CNTN5: variants seen among roughly 807,000 people sequenced by gnomAD.
The protein encoded by CNTN5 is contactin 5.
A neutral mutation model predicts 129.1 loss-of-function variants in CNTN5; 77 were observed. The ratio of observed to expected loss-of-function variants is 0.60; its 90% confidence interval spans 0.50 to 0.72. CNTN5 has a LOEUF of 0.72. CNTN5 is among the 30% of genes least tolerant of loss of function. The pLI is 0.00. For missense variants in CNTN5, 1,478 were observed against 1,328.8 expected, an observed-to-expected ratio of 1.11 and a Z score of -1.75; for synonymous variants, 509 against 465.6, an observed-to-expected ratio of 1.09 and a Z score of -1.20.
At chr11:99,788,347 A>T (rs548042645) in intron 3 of CNTN5, among the ~76,000 whole-genome samples, 1 of 152,082 alleles carries the variant, frequency 6.6e-6, no homozygotes, top group South Asian at 2.1e-4. Context: ...TTGAAGTTAA[A>T]AACTGTCTTG....
At position 99,155,025 on chromosome 11, in the gene CNTN5, C is replaced by T. The variant is rs548565464; in HGVS notation, c.-210+133755C>T. Among the ~76,000 whole-genome samples the T allele has an allele frequency of 6.2e-4, 94 of 152,252 alleles. 1 individual carries two copies. The highest frequency in any genetic ancestry group is 2.1e-3 in the African/African-American group (89 of 41,544). On this transcript the variant is annotated intron_variant, in intron 1 of 24. Transcript: ENST00000524871. ...TACCTATCTAAGCAGCTCCCTCTGC[C>T]AACCCAAGTGTCTGTAGGGGTTGTG...
At chr11:99,947,258 A>G (rs1479782753) in intron 7 of CNTN5, among the ~76,000 whole-genome samples, 2 of 151,732 alleles carry the variant, frequency 1.3e-5, no homozygotes, top group African/African-American at 4.8e-5. Flanking sequence ...CAAAACTTTC[A>G]TGTTATGTGC....
chr11:100,194,321 T>C (rs867712416), intron 15 of CNTN5, among the ~76,000 whole-genome samples: 7 of 151,754 alleles, frequency 4.6e-5, no homozygotes, highest in Admixed American at 2.0e-4. Context: ...TAAAATGTAA[T>C]AGAGTAACAT....
At chr11:99,968,527 C>T (rs1951156919) in intron 8 of CNTN5, among the ~76,000 whole-genome samples, 1 of 151,892 alleles carries the variant, frequency 6.6e-6, no homozygotes, top group Non-Finnish European at 1.5e-5. Flanking sequence ...GAGAATGGAT[C>T]TCATGTTGTC....
intron 4 of CNTN5, among the ~76,000 whole-genome samples, chr11:99,820,542 A>G (rs1946767067): frequency 6.6e-6 from 1 of 152,290 alleles, no homozygotes; most frequent in South Asian, 2.1e-4. Flanking sequence ...TACCTTTGTC[A>G]TTTTTGGATC....
At chr11:100,299,869 T>C (rs1275366496) in intron 20 of CNTN5, among the ~76,000 whole-genome samples, 2 of 151,534 alleles carry the variant, frequency 1.3e-5, no homozygotes. Flanking sequence ...TCTTGGAACC[T>C]TTTCAAACAC....
At chr11:99,053,350 C>T (rs920231185) in intron 1 of CNTN5, among the ~76,000 whole-genome samples, 1 of 151,908 alleles carries the variant, frequency 6.6e-6, no homozygotes, top group Non-Finnish European at 1.5e-5. Flanking sequence ...AACAGTCATG[C>T]CAAATGTACA....
chr11:99,749,895 C>A (rs545602092), intron 3 of CNTN5, among the ~76,000 whole-genome samples: 11 of 152,290 alleles, frequency 7.2e-5, no homozygotes, highest in African/African-American at 2.6e-4. Flanking sequence ...GATATGAATG[C>A]TACTACTAAT....
At chr11:99,629,180 T>C (rs1030283133) in intron 3 of CNTN5, among the ~76,000 whole-genome samples, 1 of 152,066 alleles carries the variant, frequency 6.6e-6, no homozygotes, top group African/African-American at 2.4e-5. Context: ...AAAATGGTGA[T>C]GATAATTTAA....
At chr11:99,267,711 A>C (rs1591445154) in intron 1 of CNTN5, among the ~76,000 whole-genome samples, 1 of 152,144 alleles carries the variant, frequency 6.6e-6, no homozygotes, top group African/African-American at 2.4e-5. Context: ...AAACATTAAT[A>C]AGTGAATAAG....
intron 2 of CNTN5, among the ~76,000 whole-genome samples, chr11:99,399,126 A>C (rs1941671847): frequency 6.7e-6 from 1 of 148,950 alleles, no homozygotes; most frequent in African/African-American, 2.5e-5. Flanking sequence ...TTTCCCTGAC[A>C]AATTATGGGG....
intron 13 of CNTN5, among the ~76,000 whole-genome samples, chr11:100,173,718 G>A (rs1591354768): frequency 1.3e-5 from 2 of 152,268 alleles, no homozygotes; most frequent in East Asian, 3.9e-4. Context: ...AGACATCACA[G>A]GTGTGCTTAC....
rs201772057 is a variant in CNTN5, at chr11:100,074,302, T to C, written c.1580+8T>C. 8.9e-6 allele frequency: 14 copies of C among 1,576,354 alleles called. No individual in the cohort carries two copies. In the South Asian group the frequency reaches 1.6e-4, roughly 18 times the overall value. The stretch of plus-strand genomic sequence containing the variant: ...AGTTAGAGAAAACAAAAGGTTAGAA[T>C]CTATTTTATAATTCAAGTTCAACAT... On this transcript the variant is annotated splice_region_variant and intron_variant, in intron 13 of 24. Transcript: ENST00000524871.
chr11:99,963,247 G>A lies in CNTN5; in HGVS notation c.877+6238G>A, dbSNP rs954347824. ...AAGTCCTTGCCCATGCCTGTGTCCTGAATGGTATTGCCTAGGTTTTCTTCT... is the reference window on the plus strand; with the variant it reads ...AAGTCCTTGCCCATGCCTGTGTCCTAAATGGTATTGCCTAGGTTTTCTTCT... On this transcript the variant is annotated intron_variant, in intron 8 of 24. Coordinates refer to ENST00000524871, the MANE Select transcript of CNTN5 (RefSeq NM_014361.4). 4.9e-4 allele frequency among the ~76,000 whole-genome samples: 74 copies of A among 152,176 alleles called. 1 individual carries two copies. Among genetic ancestry groups the A allele is most frequent in the Admixed American group, 1.3e-3 (20 of 15,274 alleles).
At chr11:100,211,539 A>C (rs1364441513) in intron 15 of CNTN5, among the ~76,000 whole-genome samples, 6 of 152,132 alleles carry the variant, frequency 3.9e-5, no homozygotes, top group Non-Finnish European at 1.5e-5. Flanking sequence ...TAGAGGCAGA[A>C]TCTTAAACAG....
rs1048113865 is a variant in CNTN5, at chr11:100,356,342, C to T, written c.*122C>T. 15 of 701,884 alleles carry T rather than the reference C, an allele frequency of 2.1e-5. 1 individual carries two copies. In the South Asian group the frequency reaches 2.4e-4, roughly 11 times the overall value. 43.5% of individuals were successfully genotyped at this position (701,884 alleles called of 1,614,324 possible). A position where few individuals can be genotyped will look rare whatever the true frequency, so the allele number is the denominator to read the frequency against. On this transcript the variant is annotated 3_prime_UTR_variant, in exon 25 of 25. Transcript: ENST00000524871. The stretch of plus-strand genomic sequence containing the variant: ...TGAGCTTTAAAAACTTGGGACTATA[C>T]ATGGTGAACTTACAGGAGGTTAGGG...
intron 3 of CNTN5, among the ~76,000 whole-genome samples, chr11:99,784,469 G>A (rs1285009519): frequency 6.6e-6 from 1 of 150,972 alleles, no homozygotes; most frequent in Non-Finnish European, 1.5e-5. Flanking sequence ...CCCTGCAAAG[G>A]ACATGAACCC....
At chr11:99,967,745 C>T (rs189986739) in intron 8 of CNTN5, among the ~76,000 whole-genome samples, 1 of 152,252 alleles carries the variant, frequency 6.6e-6, no homozygotes, top group Non-Finnish European at 1.5e-5. Context: ...CCTCAAACAC[C>T]TGTGCCTCTC....
At chr11:99,244,156 A>G (rs561392397) in intron 1 of CNTN5, among the ~76,000 whole-genome samples, 1 of 152,114 alleles carries the variant, frequency 6.6e-6, no homozygotes, top group Non-Finnish European at 1.5e-5. Context: ...AGTGTTTTAT[A>G]GTACTCGTCG....
Sources: gnomAD v4.1 joint callset for allele counts (sites outside exome capture counted in the v4.1 genomes callset) on GRCh38, gnomAD v4.1.1 for gene constraint, MANE v1.5 for transcripts, NCBI Gene and HGNC (gene_info 2026-07-23, HGNC 2026-07-21) for gene names.